Variants in RAB3C observed in about 807,000 individuals in gnomAD.
The protein encoded by RAB3C is RAB3C, member RAS oncogene family.
In RAB3C, 17 loss-of-function variants were observed where a neutral mutation model predicts 26.4. The ratio of observed to expected loss-of-function variants is 0.64; its 90% confidence interval spans 0.44 to 0.97. The LOEUF (loss-of-function observed/expected upper bound fraction) is 0.97. Ranked by LOEUF, RAB3C falls within the 50% of genes least tolerant of loss-of-function variation. The pLI, the probability that RAB3C is intolerant of heterozygous loss-of-function variation, is 0.00. For missense variants in RAB3C, 242 were observed against 281.9 expected (o/e 0.86, Z 1.01); for synonymous variants, 91 against 95.9 (o/e 0.95, Z 0.30).
chr5:58,807,804 A>G (rs903273617), intron 3 of RAB3C, among the ~76,000 whole-genome samples: 1 of 151,262 alleles, frequency 6.6e-6, no homozygotes, highest in Non-Finnish European at 1.5e-5. Context: ...TCCATAGCAC[A>G]GTGGGTACTC....
At chr5:58,703,776 C>T (rs978667410) in intron 2 of RAB3C, among the ~76,000 whole-genome samples, 5 of 151,580 alleles carry the variant, frequency 3.3e-5, no homozygotes, top group African/African-American at 4.8e-5. Flanking sequence ...AATTTTGATG[C>T]GTAATAAAAT....
rs574262548 is a variant in RAB3C, at chr5:58,787,040, A to G, written c.372-37998A>G. On this transcript the variant is annotated intron_variant, in intron 3 of 4. Transcript: ENST00000282878. ...CAAGATTCGATGTCTTGGAAACTAG[A>G]CTCCTTCTCAGATCTTAAAGGTGAA... Among the ~76,000 whole-genome samples the G allele has an allele frequency of 2.6e-5, 4 of 151,864 alleles. No individual in the cohort carries two copies. In the East Asian group the frequency reaches 7.8e-4, roughly 29 times the overall value.
At chr5:58,810,811 G>T (rs1743060258) in intron 3 of RAB3C, among the ~76,000 whole-genome samples, 1 of 152,156 alleles carries the variant, frequency 6.6e-6, no homozygotes, top group Non-Finnish European at 1.5e-5. Flanking sequence ...TGGCCAGGCT[G>T]GTCTCGAACT....
At chr5:58,657,635 A>G (rs1255753512) in intron 2 of RAB3C, among the ~76,000 whole-genome samples, 2 of 152,174 alleles carry the variant, frequency 1.3e-5, no homozygotes, top group Non-Finnish European at 2.9e-5. Context: ...GGAGAAGCAG[A>G]CAAGGGCCAG....
chr5:58,851,444 C>G lies in RAB3C; in HGVS notation c.*93C>G, dbSNP rs1156576969. 3 of 1,019,348 alleles carry G rather than the reference C, an allele frequency of 2.9e-6. No individual in the cohort carries two copies. The highest frequency in any genetic ancestry group is 4.2e-6 in the Non-Finnish European group (3 of 711,186). The allele number at this position is 1,019,348 out of a possible 1,614,324, so 63.1% of individuals were successfully genotyped here. ...ATTAGCCTTCATTTATACTGCCTAACAATTATTTGAAGGAATAAATTGATG... is the reference window on the plus strand; with the variant it reads ...ATTAGCCTTCATTTATACTGCCTAAGAATTATTTGAAGGAATAAATTGATG... On this transcript the variant is annotated 3_prime_UTR_variant, in exon 5 of 5. Coordinates refer to ENST00000282878, the MANE Select transcript of RAB3C (RefSeq NM_138453.4).
chr5:58,592,473 G>GA lies in RAB3C; in HGVS notation c.24+9247dup, dbSNP rs945854169. Among the ~76,000 whole-genome samples, 80 of 151,868 alleles carry GA rather than the reference G, an allele frequency of 5.3e-4. 1 individual carries two copies. The highest frequency in any genetic ancestry group is 1.8e-3 in the African/African-American group (76 of 41,430). On this transcript the variant is annotated intron_variant, in intron 1 of 4. Coordinates refer to ENST00000282878, the MANE Select transcript of RAB3C (RefSeq NM_138453.4). ...ATCTGTATTTTTTTAATTAAGAGAAGAAAAAATGTATATTTATTTGTGTTT... is the reference window on the plus strand; with the variant it reads ...ATCTGTATTTTTTTAATTAAGAGAAGAAAAAAATGTATATTTATTTGTGTTT...
At chr5:58,619,964 G>A (rs1746900697) in intron 2 of RAB3C, among the ~76,000 whole-genome samples, 1 of 151,694 alleles carries the variant, frequency 6.6e-6, no homozygotes. Context: ...TCCCTGAGCT[G>A]CTTCTACTCT....
At chr5:58,652,288 G>A (rs756626381) in intron 2 of RAB3C, among the ~76,000 whole-genome samples, 14 of 151,172 alleles carry the variant, frequency 9.3e-5, no homozygotes, top group African/African-American at 1.5e-4. Flanking sequence ...TATATGGAGC[G>A]TCTATATACT....
chr5:58,786,407 T>TG (rs1742382288), intron 3 of RAB3C, among the ~76,000 whole-genome samples: 1 of 152,010 alleles, frequency 6.6e-6, no homozygotes. Flanking sequence ...GCAATCTTGG[T>TG]GGGGGGCTGC....
At position 58,683,587 on chromosome 5, in the gene RAB3C, A is replaced by G. The variant is rs373527099; in HGVS notation, c.253-42415A>G. Among the ~76,000 whole-genome samples the G allele has an allele frequency of 3.9e-5, 6 of 152,326 alleles. No homozygotes were observed. The South Asian group carries it at 1.2e-3, about 32-fold the overall frequency. On this transcript the variant is annotated intron_variant, in intron 2 of 4. Transcript: ENST00000282878. ...GTTGTTCCCCCTTATCCATGGTTGC[A>G]CTTTCTATAGTTTCAGTTACCTGTG...
chr5:58,683,279 A>G (rs923775763), intron 2 of RAB3C, among the ~76,000 whole-genome samples: 4 of 152,196 alleles, frequency 2.6e-5, no homozygotes, highest in African/African-American at 9.6e-5. Context: ...TTTAGATAAT[A>G]ATTTAAATTT....
chr5:58,842,835 G>T (rs1299968560), intron 4 of RAB3C, among the ~76,000 whole-genome samples: 1 of 152,200 alleles, frequency 6.6e-6, no homozygotes, highest in Non-Finnish European at 1.5e-5. Context: ...TTGAAAGGAG[G>T]TAGATATAGA....
At chr5:58,842,301 C>T (rs796664902) in intron 4 of RAB3C, among the ~76,000 whole-genome samples, 1 of 152,190 alleles carries the variant, frequency 6.6e-6, no homozygotes, top group Non-Finnish European at 1.5e-5. Context: ...ATCGTTTGTT[C>T]ATCCTATCTT....
At chr5:58,708,930 C>T (rs1051138931) in intron 2 of RAB3C, among the ~76,000 whole-genome samples, 1 of 152,174 alleles carries the variant, frequency 6.6e-6, no homozygotes, top group Non-Finnish European at 1.5e-5. Flanking sequence ...AGTCCTACCT[C>T]GTCTTTCTTC....
At chr5:58,742,674 T>G (rs1443378523) in intron 3 of RAB3C, among the ~76,000 whole-genome samples, 2 of 152,246 alleles carry the variant, frequency 1.3e-5, no homozygotes, top group Non-Finnish European at 2.9e-5. Context: ...ATTTTAAATA[T>G]GTATATCAAT....
At chr5:58,814,366 T>C (rs1445096023) in intron 3 of RAB3C, among the ~76,000 whole-genome samples, 1 of 152,158 alleles carries the variant, frequency 6.6e-6, no homozygotes, top group African/African-American at 2.4e-5. Context: ...TGGCTGAATG[T>C]CTGTGAAGCT....
chr5:58,686,299 T>C (rs1206279391), intron 2 of RAB3C, among the ~76,000 whole-genome samples: 1 of 152,032 alleles, frequency 6.6e-6, no homozygotes, highest in African/African-American at 2.4e-5. Flanking sequence ...AAACAACACA[T>C]AGATTGGCTC....
intron 3 of RAB3C, among the ~76,000 whole-genome samples, chr5:58,728,708 C>T (rs780039838): frequency 1.5e-4 from 23 of 152,024 alleles, no homozygotes; most frequent in Non-Finnish European, 3.1e-4. Context: ...GTGAGATACA[C>T]GGGCATATGA....
At chr5:58,588,654 C>T (rs13166524) in intron 1 of RAB3C, among the ~76,000 whole-genome samples, 96,887 of 151,812 alleles carry the variant, frequency 0.64, 31,466 homozygotes, top group Non-Finnish European at 0.7. Context: ...GTGGCTTGTA[C>T]ATTCATATTC....
Sources: allele counts gnomAD v4.1 joint callset (sites outside exome capture counted in the v4.1 genomes callset), GRCh38; gene constraint gnomAD v4.1.1; transcripts MANE v1.5; gene names NCBI Gene and HGNC (gene_info 2026-07-23, HGNC 2026-07-21).